The following SMAP1 variants were observed in gnomAD, a reference collection of about 807,000 sequenced individuals.
SMAP1 encodes stromal membrane-associated protein 1.
In SMAP1, 24 loss-of-function variants were observed where a neutral mutation model predicts 58.5. The ratio of observed to expected loss-of-function variants is 0.41; its 90% CI spans 0.30 to 0.58. SMAP1 has a LOEUF of 0.58. SMAP1 is among the 20% of genes least tolerant of loss of function. The probability of loss-of-function intolerance (pLI) is 0.29; values close to 1 mark genes in which losing one functional copy is unlikely to be tolerated. For missense variants in SMAP1, 563 were observed against 566.3 expected (o/e 0.99, Z 0.06); for synonymous variants, 216 against 196.6 (o/e 1.10, Z -0.82).
chr6:70,763,974 G>A (rs1766858530), intron 3 of SMAP1, among the ~76,000 whole-genome samples: 2 of 152,062 alleles, frequency 1.3e-5, no homozygotes. Context: ...GAATGCAGTG[G>A]GGCAGTCAAC....
At chr6:70,796,709 T>G (rs979379234) in intron 5 of SMAP1, among the ~76,000 whole-genome samples, 1 of 152,240 alleles carries the variant, frequency 6.6e-6, no homozygotes, top group Admixed American at 6.5e-5. Flanking sequence ...GTCTTCTGTC[T>G]GTGCTAGACT....
chr6:70,825,127 A>G (rs1237358986), intron 6 of SMAP1, among the ~76,000 whole-genome samples: 2 of 152,204 alleles, frequency 1.3e-5, no homozygotes, highest in Non-Finnish European at 2.9e-5. Flanking sequence ...GGGGACACAC[A>G]TTGCGCATAT....
chr6:70,696,779 T>G (rs1399000783), intron 1 of SMAP1, among the ~76,000 whole-genome samples: 1 of 152,216 alleles, frequency 6.6e-6, no homozygotes, highest in Non-Finnish European at 1.5e-5. Flanking sequence ...TAGTTCAGAT[T>G]AAGTCCAATG....
At chr6:70,809,406 G>A (rs180723085) in intron 6 of SMAP1, among the ~76,000 whole-genome samples, 115 of 152,262 alleles carry the variant, frequency 7.6e-4, no homozygotes, top group Middle Eastern at 6.8e-3. Context: ...AAATATGTCA[G>A]CTAACCTATT....
rs1032619846 is a variant in SMAP1, at chr6:70,784,209, A to C, written c.415-7480A>C. Among the ~76,000 whole-genome samples, 10 of 152,208 alleles carry C rather than the reference A, an allele frequency of 6.6e-5. No individual in the cohort carries two copies. In the East Asian group the frequency reaches 7.7e-4, roughly 12 times the overall value. ...TTCATATCCAGCCAAACTAAGCTTC[A>C]TAAGTGAAGGAGAAATAAAATCCTT... is the stretch of plus-strand genomic sequence containing the variant. On this transcript the variant is annotated intron_variant, in intron 4 of 10. Coordinates refer to ENST00000370455, the MANE Select transcript of SMAP1 (RefSeq NM_001044305.3).
At chr6:70,819,659 C>T (rs1326037857) in intron 6 of SMAP1, among the ~76,000 whole-genome samples, 1 of 151,978 alleles carries the variant, frequency 6.6e-6, no homozygotes, top group Non-Finnish European at 1.5e-5. Context: ...CACTATTTAT[C>T]GTAATATAAT....
At chr6:70,818,801 T>A (rs1769755056) in intron 6 of SMAP1, among the ~76,000 whole-genome samples, 1 of 152,224 alleles carries the variant, frequency 6.6e-6, no homozygotes, top group African/African-American at 2.4e-5. Context: ...AGGAGAACTG[T>A]GCTAGTAACG....
At chr6:70,768,943 A>G (rs1233668185) in intron 3 of SMAP1, among the ~76,000 whole-genome samples, 3 of 151,814 alleles carry the variant, frequency 2.0e-5, no homozygotes, top group African/African-American at 4.8e-5. Context: ...AGATTCTGGT[A>G]TGTTGTGTCT....
chr6:70,794,272 G>A (rs915782235), intron 5 of SMAP1, among the ~76,000 whole-genome samples: 1 of 152,148 alleles, frequency 6.6e-6, no homozygotes, highest in Non-Finnish European at 1.5e-5. Context: ...GGTTTTCACA[G>A]TACTTTTAGA....
At chr6:70,835,750 T>C (rs552073769) in intron 6 of SMAP1, among the ~76,000 whole-genome samples, 2 of 152,270 alleles carry the variant, frequency 1.3e-5, no homozygotes, top group Non-Finnish European at 2.9e-5. Flanking sequence ...TAAGGGATCC[T>C]CCTACCTTGT....
intron 4 of SMAP1, among the ~76,000 whole-genome samples, chr6:70,785,486 C>A (rs960836306): frequency 6.6e-6 from 1 of 152,144 alleles, no homozygotes; most frequent in Non-Finnish European, 1.5e-5. Flanking sequence ...ACACAAAAAA[C>A]CCTTCAAAAA....
chr6:70,706,921 C>G (rs1767864965), intron 1 of SMAP1, among the ~76,000 whole-genome samples: 1 of 152,068 alleles, frequency 6.6e-6, no homozygotes, highest in African/African-American at 2.4e-5. Context: ...AATATAGTTT[C>G]TGGAATTTAA....
rs372859361 is a variant in SMAP1 at position 70,714,151 on chromosome 6, A to G, written c.119-18227A>G. Among the ~76,000 whole-genome samples, 10 of 152,216 alleles carry G rather than the reference A, an allele frequency of 6.6e-5. No individual in the cohort carries two copies. In the South Asian group the frequency reaches 1.9e-3, roughly 28 times the overall value. On this transcript the variant is annotated intron_variant, in intron 1 of 10. Coordinates refer to ENST00000370455, the MANE Select transcript of SMAP1 (RefSeq NM_001044305.3). ...ATCTAAAGTTAGTTTCTTGTAGACA[A>G]TGTATAGTTGGATCTTTTTTTTTTA...
chr6:70,724,703 T>C (rs1768687964), intron 1 of SMAP1, among the ~76,000 whole-genome samples: 1 of 152,340 alleles, frequency 6.6e-6, no homozygotes, highest in South Asian at 2.1e-4. Flanking sequence ...TATACCTACA[T>C]GTCATCTTTT....
intron 8 of SMAP1, among the ~76,000 whole-genome samples, chr6:70,853,428 A>G (rs1303921067): frequency 3.3e-5 from 5 of 152,208 alleles, no homozygotes. Context: ...CAGTTTGTGC[A>G]GCATAATTTT....
chr6:70,747,247 A>G (rs138531161), intron 2 of SMAP1, among the ~76,000 whole-genome samples: 1 of 152,208 alleles, frequency 6.6e-6, no homozygotes, highest in African/African-American at 2.4e-5. Flanking sequence ...TATTTTTTAA[A>G]TGTATCACTA....
At chr6:70,743,543 T>A (rs1323246986) in intron 2 of SMAP1, among the ~76,000 whole-genome samples, 1 of 152,198 alleles carries the variant, frequency 6.6e-6, no homozygotes, top group East Asian at 1.9e-4. Flanking sequence ...CATAGTGTCT[T>A]GTAGAACCAG....
chr6:70,723,977 GA>G (rs1052908413), intron 1 of SMAP1, among the ~76,000 whole-genome samples: 5 of 148,848 alleles, frequency 3.4e-5, no homozygotes, highest in East Asian at 1.9e-4. Flanking sequence ...CAAGTATATT[GA>G]AAAAAAAAGA....
At chr6:70,822,786 C>T (rs578046528) in intron 6 of SMAP1, among the ~76,000 whole-genome samples, 66 of 151,928 alleles carry the variant, frequency 4.3e-4, no homozygotes, top group African/African-American at 1.6e-3. Context: ...ATGTATGTTA[C>T]ACTTTTTTAG....
Sources: gnomAD v4.1 joint callset for allele counts (sites outside exome capture counted in the v4.1 genomes callset) on GRCh38, gnomAD v4.1.1 for gene constraint, MANE v1.5 for transcripts, NCBI Gene and HGNC (gene_info 2026-07-23, HGNC 2026-07-21) for gene names.